EML5: variants seen among roughly 807,000 people sequenced by gnomAD.
The protein encoded by EML5 is EMAP like 5.
Under a neutral mutation model 250.0 loss-of-function variants are expected in EML5, and 120 were observed. That is an observed-to-expected ratio of 0.48 (90% confidence interval 0.41 to 0.56). The LOEUF is 0.56. Ranked by LOEUF, EML5 falls within the 20% of genes least tolerant of loss-of-function variation. EML5 has a pLI of 0.00. For missense variants in EML5, 2,006 were observed against 2,437.6 expected (o/e 0.82, Z 3.73); for synonymous variants, 771 against 806.5 (o/e 0.96, Z 0.75).
intron 30 of EML5, among the ~76,000 whole-genome samples, chr14:88,643,330 C>T (rs183371724): frequency 1.3e-5 from 2 of 152,026 alleles, no homozygotes; most frequent in Non-Finnish European, 2.9e-5. Context: ...GTACAGTTGG[C>T]CTTACATATC....
chr14:88,643,619 T>G (rs539182131), intron 30 of EML5, among the ~76,000 whole-genome samples: 1 of 152,268 alleles, frequency 6.6e-6, no homozygotes, highest in Admixed American at 6.5e-5. Flanking sequence ...ATTTTTTGTG[T>G]CCAAAAGAAG....
intron 19 of EML5, 116 bp from the exon 20 acceptor site, chr14:88,685,258 G>A (rs1219712772): frequency 3.4e-5 from 26 of 765,044 alleles, no homozygotes; most frequent in Non-Finnish European, 4.4e-5. Flanking sequence ...GTTTTCTCCT[G>A]TATTTTAAGT....
chr14:88,626,816 A>G lies in EML5; in HGVS notation c.4740+22T>C, dbSNP rs1162837903. 3.1e-6 allele frequency: 5 copies of G among 1,611,320 alleles called. No homozygotes were observed. The African/African-American group carries it at 5.3e-5, about 17-fold the overall frequency. On this transcript the variant is annotated intron_variant, in intron 35 of 43. Coordinates refer to ENST00000554922, the MANE Select transcript of EML5 (RefSeq NM_183387.3). ...AATGTAAAGTAGTCAAAGTCACACT[A>G]TGTGCATTTTAAGAGACATACTGCA...
At position 88,688,436 on chromosome 14, in the gene EML5, T is replaced by C. The variant is rs972379306; in HGVS notation, c.2577A>G (p.Thr859=). The C allele has an allele frequency of 6.2e-7, 1 of 1,614,002 alleles. No individual in the cohort carries two copies. Among genetic ancestry groups the C allele is most frequent in the Non-Finnish European group, 8.5e-7 (1 of 1,179,898 alleles). The change falls in exon 18 of 44, where the codon ACA becomes ACG. Residue 859 remains threonine (T), a synonymous_variant. Transcript: ENST00000554922. ...GLIGRKGYIG[T]LGKNDTMMCA... Reference sequence around the variant, plus strand: ...ACATCATTGTGTCATTTTTCCCCAGTGTGCCTATGTAGCCTTTTCTTCCAA... The same window carrying C: ...ACATCATTGTGTCATTTTTCCCCAGCGTGCCTATGTAGCCTTTTCTTCCAA...
At chr14:88,673,856 T>G (rs2092531177) in intron 21 of EML5, among the ~76,000 whole-genome samples, 1 of 152,100 alleles carries the variant, frequency 6.6e-6, no homozygotes, top group African/African-American at 2.4e-5. Context: ...TACAAACCAC[T>G]GCTCAAGGAA....
intron 11 of EML5, chr14:88,705,961 A>G (rs2093310147): frequency 1.9e-6 from 1 of 538,346 alleles, no homozygotes; most frequent in East Asian, 3.9e-5. Flanking sequence ...AGCATTTACA[A>G]AATCTAGATA....
intron 1 of EML5, among the ~76,000 whole-genome samples, chr14:88,755,038 C>T (rs1004724993): frequency 6.6e-6 from 1 of 152,010 alleles, no homozygotes; most frequent in Admixed American, 6.6e-5. Context: ...CTCCTGACCT[C>T]AAGTGATCCG....
chr14:88,645,229 T>C (rs1049175661), intron 29 of EML5, among the ~76,000 whole-genome samples: 2 of 152,188 alleles, frequency 1.3e-5, no homozygotes, highest in Non-Finnish European at 2.9e-5. Context: ...TTTCGCCATG[T>C]TGGCCAGGCT....
intron 7 of EML5, among the ~76,000 whole-genome samples, chr14:88,732,497 C>T (rs1337683250): frequency 6.6e-5 from 10 of 152,266 alleles, no homozygotes; most frequent in Non-Finnish European, 1.0e-4. Context: ...AGTCAGGTAG[C>T]GTGATGCCTT....
At chr14:88,657,283 T>TA in intron 27 of EML5, 93 bp downstream of exon 27, 1 of 1,230,272 alleles carries the variant, frequency 8.1e-7, no homozygotes, top group Non-Finnish European at 1.1e-6. Flanking sequence ...ATATCACTGT[T>TA]ACTTAGTTTG....
At chr14:88,726,445 C>A in intron 8 of EML5, 96 bp downstream of exon 8, 1 of 974,288 alleles carries the variant, frequency 1.0e-6, no homozygotes, top group South Asian at 4.2e-5. Flanking sequence ...GTAAAAACAA[C>A]AAGTATTATA....
chr14:88,700,430 A>C (rs1419287544), intron 14 of EML5, among the ~76,000 whole-genome samples: 3 of 152,220 alleles, frequency 2.0e-5, no homozygotes, highest in Non-Finnish European at 4.4e-5. Flanking sequence ...CAAGGAATCA[A>C]AACAGTAGAT....
intron 33 of EML5, among the ~76,000 whole-genome samples, chr14:88,633,669 C>T (rs1330681274): frequency 5.9e-5 from 9 of 152,184 alleles, no homozygotes; most frequent in Admixed American, 5.9e-4. Context: ...GTAGCTACTA[C>T]ACACCTCTGC....
Position 88,715,029 on chromosome 14 carries a change from T to C in EML5, c.1354A>G (p.Ser452Gly), listed in dbSNP as rs772079414. 1 of 1,613,890 alleles carries C rather than the reference T, an allele frequency of 6.2e-7. No homozygotes were observed. The highest frequency in any genetic ancestry group is 8.5e-7 in the Non-Finnish European group (1 of 1,179,836). ...KKVGECLGSL[S>G]FITHLDWSSD... is the part of the protein sequence containing the mutation. ...GACCAGTCCAGATGAGTGATGAAAC[T>C]AAGGGATCCCAAACACTCGCCAACT... Residue 452 changes from serine to glycine, a missense_variant, in exon 9 of 44, where the codon AGT becomes GGT. Physicochemically the swap from Ser to Gly is moderately conservative, Grantham distance 56. Transcript: ENST00000554922.
intron 29 of EML5, among the ~76,000 whole-genome samples, chr14:88,646,377 A>C (rs2091347900): frequency 6.6e-6 from 1 of 152,176 alleles, no homozygotes; most frequent in South Asian, 2.1e-4. Flanking sequence ...ATGTTTTCAA[A>C]CCTTCTTCAT....
At chr14:88,709,804 T>C (rs1042730122) in intron 10 of EML5, among the ~76,000 whole-genome samples, 9 of 152,312 alleles carry the variant, frequency 5.9e-5, no homozygotes, top group Admixed American at 5.9e-4. Context: ...AATTGCAGCA[T>C]ATACTTACAA....
intron 30 of EML5, among the ~76,000 whole-genome samples, chr14:88,643,544 T>C (rs934828256): frequency 6.6e-6 from 1 of 152,164 alleles, no homozygotes; most frequent in African/African-American, 2.4e-5. Context: ...TATAAGGCAC[T>C]TGAGCACCTG....
Position 88,638,851 on chromosome 14 carries a change from G to A in EML5, c.4294C>T (p.Gln1432Ter). The A allele has an allele frequency of 6.3e-7, 1 of 1,598,416 alleles. No homozygotes were observed. The highest frequency in any genetic ancestry group is 2.3e-5 in the East Asian group (1 of 44,430). The change falls in exon 32 of 44, where the codon CAG becomes TAG. Residue 1432 changes from glutamine (Q) to a stop codon, truncating the protein, a stop_gained. Transcript: ENST00000554922. LOFTEE classifies it high-confidence loss of function. ...NDDILCLTVN[Q>*]HPKFINIVAT... Reference sequence around the variant, plus strand: ...ACTATGTTGATAAATTTGGGGTGCTGGTTTACTGTGAGGCACAGAATATCA... The same window carrying A: ...ACTATGTTGATAAATTTGGGGTGCTAGTTTACTGTGAGGCACAGAATATCA...
At position 88,712,220 on chromosome 14, in the gene EML5, GAA is replaced by G. The variant is rs1412393549; in HGVS notation, c.1657+49_1657+50del. On this transcript the variant is annotated intron_variant, in intron 10 of 43. Coordinates refer to ENST00000554922, the MANE Select transcript of EML5 (RefSeq NM_183387.3). ...CAAGACTAATTTTCTGCAAGAACAC[GAA>G]AGTCTTCTGTGAGAGAGAGGTTACT... is the stretch of plus-strand genomic sequence containing the variant. 14 of 1,308,408 alleles carry G rather than the reference GAA, an allele frequency of 1.1e-5. No individual in the cohort carries two copies. The African/African-American group carries it at 1.6e-4, about 15-fold the overall frequency. 81.0% of individuals were successfully genotyped at this position (1,308,408 alleles called of 1,614,324 possible). A position where few individuals can be genotyped will look rare whatever the true frequency, so the allele number is the denominator to read the frequency against.
Sources: allele counts gnomAD v4.1 joint callset (sites outside exome capture counted in the v4.1 genomes callset), GRCh38; gene constraint gnomAD v4.1.1; transcripts MANE v1.5; gene names NCBI Gene and HGNC (gene_info 2026-07-23, HGNC 2026-07-21).